Variants in CNTNAP2 observed in about 807,000 individuals in gnomAD.
The protein encoded by CNTNAP2 is contactin-associated protein-like 2.
A neutral mutation model predicts 155.2 loss-of-function variants in CNTNAP2; 98 were observed. The ratio of observed to expected loss-of-function variants is 0.63; its 90% CI spans 0.54 to 0.75. CNTNAP2 has a LOEUF of 0.75. Ranked by LOEUF, CNTNAP2 falls within the 30% of genes least tolerant of loss-of-function variation. The pLI is 0.00. For missense variants in CNTNAP2, 1,727 were observed against 1,688.1 expected (o/e 1.02, Z -0.40); for synonymous variants, 651 against 631.2 (o/e 1.03, Z -0.47).
At chr7:147,154,964 T>G (rs1801894482) in intron 8 of CNTNAP2, among the ~76,000 whole-genome samples, 1 of 152,030 alleles carries the variant, frequency 6.6e-6, no homozygotes, top group African/African-American at 2.4e-5. Flanking sequence ...CAGAGATAAT[T>G]TAATAGAGAG....
At chr7:146,570,517 T>A (rs7781022) in intron 1 of CNTNAP2, among the ~76,000 whole-genome samples, 122,614 of 152,142 alleles carry the variant, frequency 0.81, 49,951 homozygotes, top group South Asian at 0.88. Context: ...CATTTTTATG[T>A]GACATCTAAA....
intron 1 of CNTNAP2, among the ~76,000 whole-genome samples, chr7:146,415,877 G>A (rs1795931290): frequency 6.6e-6 from 1 of 151,886 alleles, no homozygotes. Flanking sequence ...CAATATAAAT[G>A]GTCTTTCAGT....
chr7:146,165,016 T>C (rs903548503), intron 1 of CNTNAP2, among the ~76,000 whole-genome samples: 1 of 152,166 alleles, frequency 6.6e-6, no homozygotes, highest in African/African-American at 2.4e-5. Flanking sequence ...TATATATTTC[T>C]GTGAACATTC....
At chr7:147,631,323 G>T (rs1045134443) in intron 12 of CNTNAP2, among the ~76,000 whole-genome samples, 39 of 152,108 alleles carry the variant, frequency 2.6e-4, no homozygotes, top group African/African-American at 9.2e-4. Flanking sequence ...ACTGGTGAAA[G>T]AAATCATTAA....
chr7:147,267,896 C>A (rs1219793420), intron 8 of CNTNAP2, among the ~76,000 whole-genome samples: 3 of 152,128 alleles, frequency 2.0e-5, no homozygotes, highest in Non-Finnish European at 4.4e-5. Flanking sequence ...AAGTAGAGTA[C>A]AAGGTACCCA....
chr7:147,958,947 G>T (rs1032132103), intron 14 of CNTNAP2, among the ~76,000 whole-genome samples: 1 of 152,074 alleles, frequency 6.6e-6, no homozygotes, highest in Non-Finnish European at 1.5e-5. Context: ...CAAGGTCCCA[G>T]GTGTGTCAGT....
chr7:148,051,493 CGTAA>C (rs1198730923), intron 15 of CNTNAP2, among the ~76,000 whole-genome samples: 5 of 151,482 alleles, frequency 3.3e-5, no homozygotes, highest in Non-Finnish European at 7.4e-5. Context: ...ACAAAGCCAT[CGTAA>C]TTAAAAGAGT....
intron 4 of CNTNAP2, among the ~76,000 whole-genome samples, chr7:147,048,360 A>AG (rs113281755): frequency 0.067 from 10,251 of 152,178 alleles, 432 homozygotes; most frequent in Middle Eastern, 0.13. Flanking sequence ...AGCAGCTCAA[A>AG]AGGCAGATTT....
At chr7:147,653,579 G>A (rs541460092) in intron 13 of CNTNAP2, among the ~76,000 whole-genome samples, 1 of 152,164 alleles carries the variant, frequency 6.6e-6, no homozygotes, top group Admixed American at 6.5e-5. Context: ...GTAAGTAGGA[G>A]GGAGAGCAGA....
At chr7:147,265,187 A>AT (rs1022203635) in intron 8 of CNTNAP2, among the ~76,000 whole-genome samples, 64 of 152,102 alleles carry the variant, frequency 4.2e-4, no homozygotes, top group African/African-American at 1.5e-3. Context: ...ATGCACAAAG[A>AT]TTTTTTTTAA....
chr7:148,003,015 G>C (rs183195384), intron 15 of CNTNAP2, among the ~76,000 whole-genome samples: 1 of 152,192 alleles, frequency 6.6e-6, no homozygotes, highest in East Asian at 1.9e-4. Context: ...TCAGCACGGG[G>C]AGCAGTCAGT....
intron 15 of CNTNAP2, among the ~76,000 whole-genome samples, chr7:147,996,694 A>G (rs1191572629): frequency 6.6e-6 from 1 of 152,232 alleles, no homozygotes; most frequent in African/African-American, 2.4e-5. Flanking sequence ...GAACTCATTT[A>G]AAACCCTCAG....
chr7:146,688,961 CTA>C (rs1455207064), intron 1 of CNTNAP2, among the ~76,000 whole-genome samples: 1 of 152,070 alleles, frequency 6.6e-6, no homozygotes, highest in Non-Finnish European at 1.5e-5. Flanking sequence ...TGAAAACTTT[CTA>C]TGTTCATCTT....
intron 18 of CNTNAP2, among the ~76,000 whole-genome samples, chr7:148,209,238 G>T (rs531791085): frequency 6.6e-6 from 1 of 150,996 alleles, no homozygotes; most frequent in African/African-American, 2.4e-5. Context: ...TGATCCTCCC[G>T]CCTCAGTAGC....
chr7:146,774,333 A>G lies in CNTNAP2; in HGVS notation c.160A>G (p.Ile54Val). 6.2e-7 allele frequency: 1 copy of G among 1,613,968 alleles called. No individual in the cohort carries two copies. The highest frequency in any genetic ancestry group is 1.1e-5 in the South Asian group (1 of 91,068). ...TGTGGCTTTCAGCAGCTCCTCCTCC[A>G]TCTCTGGTAGCTATTCTCCCGGCTA... The part of the protein sequence containing the change: ...PHVAFSSSSS[I>V]SGSYSPGYAK... Residue 54 changes from isoleucine to valine, a missense_variant, in exon 2 of 24, where the codon ATC becomes GTC. By Grantham distance (29) the Ile-to-Val change is conservative (BLOSUM62 3). Coordinates refer to ENST00000361727, the MANE Select transcript of CNTNAP2 (RefSeq NM_014141.6).
intron 2 of CNTNAP2, among the ~76,000 whole-genome samples, chr7:146,793,694 A>C (rs1429616579): frequency 6.6e-6 from 1 of 152,232 alleles, no homozygotes; most frequent in Admixed American, 6.5e-5. Flanking sequence ...GGTGTCTGAA[A>C]TGTAGCATTC....
chr7:146,684,781 C>A (rs77726416), intron 1 of CNTNAP2, among the ~76,000 whole-genome samples: 3,585 of 151,984 alleles, frequency 0.024, 40 homozygotes, highest in Middle Eastern at 0.041. Flanking sequence ...ATGTCCCTAC[C>A]GAGGTTTGTT....
chr7:146,423,315 G>A (rs1210898508), intron 1 of CNTNAP2, among the ~76,000 whole-genome samples: 1 of 151,928 alleles, frequency 6.6e-6, no homozygotes, highest in Non-Finnish European at 1.5e-5. Context: ...TGTTTCCTTA[G>A]CTGTTTTGTT....
intron 1 of CNTNAP2, among the ~76,000 whole-genome samples, chr7:146,563,780 C>T (rs1347704370): frequency 1.3e-5 from 2 of 152,142 alleles, no homozygotes; most frequent in Admixed American, 1.3e-4. Flanking sequence ...CAGAATCTTT[C>T]ATTTCAGCCA....
Sources: allele counts gnomAD v4.1 joint callset (sites outside exome capture counted in the v4.1 genomes callset), GRCh38; gene constraint gnomAD v4.1.1; transcripts MANE v1.5; gene names NCBI Gene and HGNC (gene_info 2026-07-23, HGNC 2026-07-21).